ESRRG: variants seen among roughly 807,000 people sequenced by gnomAD.
ESRRG encodes the protein estrogen-related receptor gamma.
Under a neutral mutation model 44.0 loss-of-function variants are expected in ESRRG, and 13 were observed. The observed-to-expected ratio is 0.30, with a 90% CI of 0.19 to 0.47. The LOEUF (loss-of-function observed/expected upper bound fraction) is 0.47, where lower values mean the gene tolerates loss of function less well. Ranked by LOEUF, ESRRG falls within the 20% of genes least tolerant of loss-of-function variation. The probability of loss-of-function intolerance (pLI) is 1.00; values close to 1 mark genes in which losing one functional copy is unlikely to be tolerated. For synonymous variants in ESRRG, 215 were observed against 214.6 expected, an observed-to-expected ratio of 1.00 and a Z score of -0.02; for missense variants, 395 against 580.6, an observed-to-expected ratio of 0.68 and a Z score of 3.29.
chr1:216,896,186 G>C (rs1577821362), intron 2 of ESRRG, among the ~76,000 whole-genome samples: 1 of 152,264 alleles, frequency 6.6e-6, no homozygotes, highest in South Asian at 2.1e-4. Flanking sequence ...TCGATGCTAA[G>C]GGTCATTGCT....
intron 1 of ESRRG, among the ~76,000 whole-genome samples, chr1:217,135,881 A>T (rs1258224137): frequency 1.3e-5 from 2 of 152,124 alleles, no homozygotes; most frequent in Non-Finnish European, 2.9e-5. Flanking sequence ...GCAACTAACA[A>T]ATAAGAGGAG....
At chr1:216,811,323 T>C (rs928344994) in intron 2 of ESRRG, among the ~76,000 whole-genome samples, 16 of 152,280 alleles carry the variant, frequency 1.1e-4, no homozygotes, top group African/African-American at 3.6e-4. Flanking sequence ...ACATTTGTAA[T>C]GGGCTACAGC....
intron 2 of ESRRG, among the ~76,000 whole-genome samples, chr1:216,799,480 G>A (rs529002994): frequency 1.1e-3 from 162 of 152,076 alleles, no homozygotes; most frequent in Non-Finnish European, 1.7e-3. Context: ...ACAATGAAGA[G>A]GGACCCTTGA....
chr1:216,798,038 C>T (rs1559679157), intron 2 of ESRRG, among the ~76,000 whole-genome samples: 2 of 152,132 alleles, frequency 1.3e-5, no homozygotes, highest in Non-Finnish European at 2.9e-5. Flanking sequence ...TTAGAGCCAG[C>T]ATCAGATCTT....
intron 2 of ESRRG, among the ~76,000 whole-genome samples, chr1:216,828,194 C>T (rs1233878863): frequency 6.6e-6 from 1 of 152,128 alleles, no homozygotes; most frequent in South Asian, 2.1e-4. Context: ...GTCCTCCTAG[C>T]TATTATGGAA....
chr1:216,910,286 T>A (rs192428202), intron 2 of ESRRG, among the ~76,000 whole-genome samples: 109 of 151,872 alleles, frequency 7.2e-4, no homozygotes, highest in African/African-American at 2.2e-3. Flanking sequence ...TTTCTCTCTC[T>A]CACATGGCTT....
At chr1:216,753,891 G>C (rs771916846) in intron 2 of ESRRG, among the ~76,000 whole-genome samples, 1 of 151,954 alleles carries the variant, frequency 6.6e-6, no homozygotes, top group African/African-American at 2.4e-5. Context: ...ATTTTCTTCA[G>C]AGCAGGAATA....
intron 1 of ESRRG, among the ~76,000 whole-genome samples, chr1:217,118,787 C>T (rs830311): frequency 0.97 from 147,804 of 152,070 alleles, 71,979 homozygotes; most frequent in Middle Eastern, 1. Context: ...AGGCCAGGAG[C>T]TTAAGACCAG....
chr1:217,018,735 T>C (rs1340602965), intron 1 of ESRRG, among the ~76,000 whole-genome samples: 1 of 152,202 alleles, frequency 6.6e-6, no homozygotes, highest in African/African-American at 2.4e-5. Context: ...ACTCATCCTT[T>C]GTCCATCCTC....
chr1:216,821,182 T>G (rs2095279307), intron 2 of ESRRG, among the ~76,000 whole-genome samples: 1 of 152,180 alleles, frequency 6.6e-6, no homozygotes, highest in Non-Finnish European at 1.5e-5. Flanking sequence ...GCTCTTACCT[T>G]ACTTGCTCCC....
intron 2 of ESRRG, among the ~76,000 whole-genome samples, chr1:216,854,353 C>CAAAAAAAAAACAAAAAAAAAAAAAAAA (rs2095887978): frequency 1.5e-5 from 1 of 67,100 alleles, no homozygotes; most frequent in Non-Finnish European, 2.6e-5. Flanking sequence ...AAGACACCAT[C>CAAAAAAAAAACAAAAAAAAAAAAAAAA]AAAAAAAAAA....
intron 2 of ESRRG, among the ~76,000 whole-genome samples, chr1:216,764,081 C>T (rs2152356738): frequency 6.6e-6 from 1 of 152,248 alleles, no homozygotes; most frequent in Non-Finnish European, 1.5e-5. Flanking sequence ...TTGTTAATCA[C>T]ACAAATTTCT....
intron 1 of ESRRG, among the ~76,000 whole-genome samples, chr1:217,134,520 T>C (rs1479603937): frequency 6.6e-6 from 1 of 152,198 alleles, no homozygotes; most frequent in African/African-American, 2.4e-5. Context: ...TTCGGCCTCA[T>C]GGATCCAAGA....
chr1:216,666,681 G>A (rs1220710945), intron 2 of ESRRG, among the ~76,000 whole-genome samples: 1 of 152,166 alleles, frequency 6.6e-6, no homozygotes, highest in Non-Finnish European at 1.5e-5. Context: ...TGTCCTCTGG[G>A]GAAAGTCCAG....
At chr1:216,914,903 C>T (rs2060948323) in intron 2 of ESRRG, among the ~76,000 whole-genome samples, 1 of 152,184 alleles carries the variant, frequency 6.6e-6, no homozygotes, top group Non-Finnish European at 1.5e-5. Context: ...CCAGAAGTCT[C>T]AGGCTCTGAA....
intron 5 of ESRRG, among the ~76,000 whole-genome samples, chr1:216,529,599 T>G (rs2048691298): frequency 7.5e-6 from 1 of 132,650 alleles, no homozygotes; most frequent in Admixed American, 7.4e-5. Context: ...AATTTTTGGT[T>G]AACTTTTTTC....
At chr1:216,781,294 C>T (rs561105441) in intron 2 of ESRRG, among the ~76,000 whole-genome samples, 159 of 151,678 alleles carry the variant, frequency 1.0e-3, no homozygotes, top group African/African-American at 3.6e-3. Context: ...AAAAAAAAAT[C>T]GCTTGCCTCA....
chr1:216,773,525 A>G (rs767965826), intron 2 of ESRRG, among the ~76,000 whole-genome samples: 6 of 152,138 alleles, frequency 3.9e-5, no homozygotes, highest in Non-Finnish European at 7.4e-5. Context: ...AATGCTTTGT[A>G]TAAGTGGTAT....
chr1:217,002,875 C>T (rs1422471553), intron 1 of ESRRG, among the ~76,000 whole-genome samples: 3 of 152,110 alleles, frequency 2.0e-5, no homozygotes, highest in African/African-American at 4.8e-5. Flanking sequence ...TGACATGCAG[C>T]CCCATGAGTG....
Sources: gnomAD v4.1 joint callset for allele counts (sites outside exome capture counted in the v4.1 genomes callset) on GRCh38, gnomAD v4.1.1 for gene constraint, MANE v1.5 for transcripts, NCBI Gene and HGNC (gene_info 2026-07-23, HGNC 2026-07-21) for gene names.